Variants in SCUBE1 observed in about 807,000 individuals in gnomAD.
SCUBE1 encodes the protein signal peptide, CUB domain and EGF like domain containing 1, also known as signal peptide, CUB and EGF-like domain-containing protein 1.
SCUBE1 carries 59 observed loss-of-function variants against 124.4 expected under a neutral mutation model. The observed-to-expected ratio is 0.47, with a 90% CI of 0.38 to 0.59. The LOEUF (loss-of-function observed/expected upper bound fraction) is 0.59. SCUBE1 is among the 20% of genes least tolerant of loss of function. The pLI is 0.00. For synonymous variants in SCUBE1, 545 were observed against 550.9 expected, an observed-to-expected ratio of 0.99 and a Z score of 0.15; for missense variants, 1,150 against 1,371.2, an observed-to-expected ratio of 0.84 and a Z score of 2.55.
At chr22:43,294,001 C>T (rs546135495) in intron 3 of SCUBE1, among the ~76,000 whole-genome samples, 1 of 151,908 alleles carries the variant, frequency 6.6e-6, no homozygotes, top group African/African-American at 2.4e-5. Context: ...GGCAGGGCGG[C>T]TGGGCCTTGG....
At chr22:43,260,934 G>C (rs139031) in intron 5 of SCUBE1, among the ~76,000 whole-genome samples, 140,593 of 152,308 alleles carry the variant, frequency 0.92, 65,061 homozygotes, top group East Asian at 1. Context: ...TAGTGCTTGT[G>C]TCAGATGTAC....
In SCUBE1 at chr22:43,281,508, CTCCTCAGCCACCCTCCTGTCACCT is replaced by C. The variant is rs1353527811; in HGVS notation, c.484+9514_484+9537del. ...TCTTTGGCCACCCTCCTGTCACCTC[CTCCTCAGCCACCCTCCTGTCACCT>C]CCCTCAGTCACCCTCCTGTCACCTC... On this transcript the variant is annotated intron_variant, in intron 4 of 21. Transcript: ENST00000360835. Among the ~76,000 whole-genome samples, 647 of 71,396 alleles carry C rather than the reference CTCCTCAGCCACCCTCCTGTCACCT, an allele frequency of 9.1e-3. 12 individuals are homozygous for C. The highest frequency in any genetic ancestry group is 0.014 in the South Asian group (24 of 1,700). The allele number at this position is 71,396 out of a possible 152,430, so 46.8% of individuals were successfully genotyped here. A position where few individuals can be genotyped will look rare whatever the true frequency, so the allele number is the denominator to read the frequency against.
At chr22:43,288,133 G>C (rs910628996) in intron 4 of SCUBE1, among the ~76,000 whole-genome samples, 1 of 152,232 alleles carries the variant, frequency 6.6e-6, no homozygotes, top group Non-Finnish European at 1.5e-5. Context: ...CGTAAGGAGA[G>C]AAGGCACTTC....
intron 1 of SCUBE1, among the ~76,000 whole-genome samples, chr22:43,339,648 A>C: frequency 1.6e-5 from 1 of 63,236 alleles, no homozygotes; most frequent in African/African-American, 6.9e-5. Context: ...CCCCACAAGC[A>C]TCACTCCAGC....
chr22:43,278,658 T>G (rs1043476652), intron 4 of SCUBE1, among the ~76,000 whole-genome samples: 1 of 152,192 alleles, frequency 6.6e-6, no homozygotes, highest in East Asian at 1.9e-4. Flanking sequence ...TTGGCTTGTT[T>G]CTTTGAGTCT....
At chr22:43,260,236 G>T (rs1479280103) in intron 5 of SCUBE1, among the ~76,000 whole-genome samples, 1 of 152,214 alleles carries the variant, frequency 6.6e-6, no homozygotes, top group East Asian at 1.9e-4. Context: ...CAACTCGAAG[G>T]GGATCCAGGC....
intron 14 of SCUBE1, 45 bp downstream of exon 14, chr22:43,220,405 C>T (rs770401474): frequency 6.3e-7 from 1 of 1,593,434 alleles, no homozygotes. Flanking sequence ...AGCCTGTCGT[C>T]CTCCTTCAGG....
intron 3 of SCUBE1, among the ~76,000 whole-genome samples, chr22:43,317,912 G>T (rs1358043097): frequency 6.6e-6 from 1 of 152,198 alleles, no homozygotes; most frequent in African/African-American, 2.4e-5. Flanking sequence ...TGGACACAGA[G>T]CCAGACACAC....
chr22:43,231,700 G>C, intron 8 of SCUBE1, 53 bp downstream of exon 8: 1 of 1,527,974 alleles, frequency 6.5e-7, no homozygotes, highest in African/African-American at 1.4e-5. Context: ...AGGAGGGGAA[G>C]GGGCACGATC....
chr22:43,295,199 C>A (rs1284985257), intron 3 of SCUBE1, among the ~76,000 whole-genome samples: 1 of 152,180 alleles, frequency 6.6e-6, no homozygotes, highest in Non-Finnish European at 1.5e-5. Flanking sequence ...CCCCTCCATG[C>A]CCACCTCTCC....
At chr22:43,301,211 C>A (rs1312029635) in intron 3 of SCUBE1, among the ~76,000 whole-genome samples, 2 of 152,194 alleles carry the variant, frequency 1.3e-5, no homozygotes, top group African/African-American at 4.8e-5. Flanking sequence ...CACGGCTGGG[C>A]CAGTCGCCCT....
intron 4 of SCUBE1, among the ~76,000 whole-genome samples, chr22:43,286,056 A>C (rs986792530): frequency 2.1e-4 from 32 of 152,168 alleles, no homozygotes; most frequent in Non-Finnish European, 3.7e-4. Flanking sequence ...AAGAGCTTCC[A>C]GGTCCTGACT....
chr22:43,198,766 A>C lies in SCUBE1; in HGVS notation c.*5231T>G, dbSNP rs919839724. On this transcript the variant is annotated 3_prime_UTR_variant, in exon 22 of 22. Coordinates refer to ENST00000360835, the MANE Select transcript of SCUBE1 (RefSeq NM_173050.5). ...GAAGGCTTCTCCCTGTGGGGCATGC[A>C]CTGTGGCAGGCAAGGTGAGCAGGCT... 26 of 453,372 alleles carry C rather than the reference A, an allele frequency of 5.7e-5. No homozygotes were observed. The highest frequency in any genetic ancestry group is 5.2e-4 in the African/African-American group (26 of 50,024). 28.1% of individuals were successfully genotyped at this position (453,372 alleles called of 1,614,324 possible). A position where few individuals can be genotyped will look rare whatever the true frequency, so the allele number is the denominator to read the frequency against.
At chr22:43,298,407 A>G (rs555234230) in intron 3 of SCUBE1, among the ~76,000 whole-genome samples, 2 of 152,312 alleles carry the variant, frequency 1.3e-5, no homozygotes, top group East Asian at 3.9e-4. Context: ...CCTGGGCCTG[A>G]GTCCAAGCTC....
At chr22:43,321,444 A>C (rs576688073) in intron 2 of SCUBE1, among the ~76,000 whole-genome samples, 1 of 152,326 alleles carries the variant, frequency 6.6e-6, no homozygotes, top group South Asian at 2.1e-4. Context: ...AAGCTGTTGC[A>C]GGAGGTAGTG....
intron 20 of SCUBE1, 60 bp from the exon 21 acceptor site, chr22:43,207,673 C>G: frequency 2.3e-6 from 3 of 1,299,114 alleles, no homozygotes; most frequent in Non-Finnish European, 3.3e-6. Context: ...ACGTGCTCCC[C>G]TTTCACCTCC....
intron 2 of SCUBE1, 87 bp downstream of exon 2, chr22:43,339,017 A>C (rs775498017): frequency 6.7e-7 from 1 of 1,490,346 alleles, no homozygotes; most frequent in Non-Finnish European, 9.2e-7. Context: ...GCTCAGCCCC[A>C]GCTGGTGATG....
intron 6 of SCUBE1, among the ~76,000 whole-genome samples, chr22:43,245,568 G>A (rs1166989625): frequency 3.3e-5 from 5 of 152,162 alleles, no homozygotes; most frequent in Admixed American, 2.6e-4. Context: ...GGCTCCTCCA[G>A]AGCCAGCGCT....
chr22:43,249,831 G>A (rs1300484819), intron 6 of SCUBE1, among the ~76,000 whole-genome samples: 1 of 152,234 alleles, frequency 6.6e-6, no homozygotes, highest in Non-Finnish European at 1.5e-5. Flanking sequence ...TAGATGGCGG[G>A]ATGGCTGGGG....
Sources: allele counts gnomAD v4.1 joint callset (sites outside exome capture counted in the v4.1 genomes callset), GRCh38; gene constraint gnomAD v4.1.1; transcripts MANE v1.5; gene names NCBI Gene and HGNC (gene_info 2026-07-23, HGNC 2026-07-21).